Variants in AKAP1 observed in about 807,000 individuals in gnomAD.
AKAP1 encodes A-kinase anchor protein 1, mitochondrial.
A neutral mutation model predicts 79.8 loss-of-function variants in AKAP1; 32 were observed. The ratio of observed to expected loss-of-function variants is 0.40; its 90% CI spans 0.30 to 0.54. The LOEUF (loss-of-function observed/expected upper bound fraction) is 0.54, where lower values mean the gene tolerates loss of function less well. AKAP1 is among the 20% of genes least tolerant of loss of function. The pLI is 0.47. For synonymous variants in AKAP1, 416 were observed against 466.7 expected (o/e 0.89, Z 1.40); for missense variants, 961 against 1,138.9 (o/e 0.84, Z 2.25).
chr17:57,103,763 G>C (rs972020734), intron 1 of AKAP1, among the ~76,000 whole-genome samples: 1 of 152,154 alleles, frequency 6.6e-6, no homozygotes, highest in African/African-American at 2.4e-5. Context: ...TCTAGAATAA[G>C]CCCATCATAT....
At position 57,120,537 on chromosome 17, in the gene AKAP1, A is replaced by G; in HGVS notation, c.*213A>G. 2.3e-6 allele frequency: 1 copy of G among 433,448 alleles called. No individual in the cohort carries two copies. The highest frequency in any genetic ancestry group is 5.9e-5 in the South Asian group (1 of 17,020). 26.9% of individuals were successfully genotyped at this position (433,448 alleles called of 1,614,324 possible). On this transcript the variant is annotated 3_prime_UTR_variant, in exon 11 of 11. Coordinates refer to ENST00000337714, the MANE Select transcript of AKAP1 (RefSeq NM_003488.4). ...GCAAAGCCAAAGGATAGTGTTTAACAAGCCAGCTGGCTTATGCTGGTTCTC... is the reference window on the plus strand; with the variant it reads ...GCAAAGCCAAAGGATAGTGTTTAACGAGCCAGCTGGCTTATGCTGGTTCTC...
Position 57,106,870 on chromosome 17 carries a change from C to T in AKAP1, c.1406C>T (p.Thr469Ile), listed in dbSNP as rs1914916253. ...CTGGCCTCCTGCCTGGCACTGACCA[C>T]CCCCAGTGAAGAGTTGCCGGACCGG... ...ISLASCLALT[T>I]PSEELPDRAG... Residue 469 changes from threonine (T) to isoleucine (I), a missense_variant, in exon 2 of 11, where the codon ACC becomes ATC. Physicochemically the swap from Thr to Ile is moderately conservative, Grantham distance 89. Coordinates refer to ENST00000337714, the MANE Select transcript of AKAP1 (RefSeq NM_003488.4). The T allele has an allele frequency of 6.2e-7, 1 of 1,613,874 alleles. No homozygotes were observed. Among genetic ancestry groups the T allele is most frequent in the African/African-American group, 1.3e-5 (1 of 74,940 alleles).
At chr17:57,091,708 A>T in intron 1 of AKAP1, among the ~76,000 whole-genome samples, 1 of 137,690 alleles carries the variant, frequency 7.3e-6, no homozygotes. Context: ...ATTTATTTAG[A>T]GATGAGGTCT....
intron 1 of AKAP1, among the ~76,000 whole-genome samples, chr17:57,102,474 G>A (rs910886179): frequency 2.0e-5 from 3 of 146,964 alleles, no homozygotes; most frequent in Non-Finnish European, 4.5e-5. Flanking sequence ...TATGCCTTGA[G>A]CTTTTTTTTT....
Position 57,114,448 on chromosome 17 carries a change from C to A in AKAP1, c.2104-11C>A. 1 of 1,613,332 alleles carries A rather than the reference C, an allele frequency of 6.2e-7. No homozygotes were observed. The highest frequency in any genetic ancestry group is 1.1e-5 in the South Asian group (1 of 91,060). On this transcript the variant is annotated splice_polypyrimidine_tract_variant and intron_variant, in intron 5 of 10. Transcript: ENST00000337714. ...ATTGTTTCAGTGACCGCTCCCCCTT[C>A]CCCTCTACAGCTCATGCTGCCTGAT...
intron 8 of AKAP1, among the ~76,000 whole-genome samples, chr17:57,117,797 C>T (rs1235320755): frequency 2.0e-5 from 3 of 152,156 alleles, no homozygotes; most frequent in East Asian, 3.9e-4. Flanking sequence ...TCTCTCCCAT[C>T]CTTGCCACTG....
intron 7 of AKAP1, 59 bp downstream of exon 7, chr17:57,116,320 T>C (rs755897357): frequency 6.3e-7 from 1 of 1,599,922 alleles, no homozygotes; most frequent in East Asian, 2.2e-5. Flanking sequence ...GCGTGATCTC[T>C]GCGTGGCTGG....
intron 5 of AKAP1, among the ~76,000 whole-genome samples, chr17:57,113,950 C>T (rs1915417300): frequency 6.6e-6 from 1 of 152,144 alleles, no homozygotes; most frequent in Non-Finnish European, 1.5e-5. Flanking sequence ...TAGATGCTGT[C>T]AGACCATAGG....
chr17:57,105,587 G>A lies in AKAP1; in HGVS notation c.123G>A (p.Val41=). 1.9e-6 allele frequency: 3 copies of A among 1,614,102 alleles called. No individual in the cohort carries two copies. The highest frequency in any genetic ancestry group is 1.7e-6 in the Non-Finnish European group (2 of 1,180,018). ...GHVSSHDEQQ[V]EAGAVQLRAD... ...TCAGCAGCCATGATGAGCAGCAGGT[G>A]GAGGCTGGTGCTGTGCAGCTGAGGG... is the stretch of plus-strand genomic sequence containing the variant. Residue 41 remains valine, a synonymous_variant, in exon 2 of 11, where the codon GTG becomes GTA. Transcript: ENST00000337714.
Position 57,106,291 on chromosome 17 carries a change from A to T in AKAP1, c.827A>T (p.His276Leu). 1 of 1,614,226 alleles carries T rather than the reference A, an allele frequency of 6.2e-7. No individual in the cohort carries two copies. Among genetic ancestry groups the T allele is most frequent in the East Asian group, 2.2e-5 (1 of 44,870 alleles). Residue 276 changes from histidine to leucine, a missense_variant, in exon 2 of 11, where the codon CAC becomes CTC. Transcript: ENST00000337714. ...KLPSRFIESA[H>L]TELAKDDAAP... ...CCAAGTAGGTTCATCGAGTCGGCTCACACAGAGCTGGCAAAGGACGATGCG... is the reference window on the plus strand; with the variant it reads ...CCAAGTAGGTTCATCGAGTCGGCTCTCACAGAGCTGGCAAAGGACGATGCG...
rs1187771018 is a variant in AKAP1, at chr17:57,086,470, TG to T, written c.-25+1077del. The T allele has an allele frequency of 2.2e-6, 1 of 455,930 alleles. No homozygotes were observed. Among genetic ancestry groups the T allele is most frequent in the South Asian group, 1.5e-5 (1 of 64,550 alleles). 28.2% of individuals were successfully genotyped at this position (455,930 alleles called of 1,614,324 possible). Reference sequence around the variant, plus strand: ...TGGGCGTTTCGGGATCTTCCTCTCCTGGGGGATGTCCTGGGTGGCGGCGCCT... The same window carrying T: ...TGGGCGTTTCGGGATCTTCCTCTCCTGGGGATGTCCTGGGTGGCGGCGCCT... On this transcript the variant is annotated intron_variant, in intron 1 of 10. Coordinates refer to ENST00000337714, the MANE Select transcript of AKAP1 (RefSeq NM_003488.4). This position sits in a 1 kb window ranked among gnomAD's most constrained non-coding sequence, Gnocchi z 5.1.
chr17:57,100,623 A>G (rs1914446343), intron 1 of AKAP1, among the ~76,000 whole-genome samples: 1 of 152,144 alleles, frequency 6.6e-6, no homozygotes, highest in Non-Finnish European at 1.5e-5. Flanking sequence ...GTCTTAAATA[A>G]ATAAATAAGT....
intron 4 of AKAP1, among the ~76,000 whole-genome samples, chr17:57,112,161 G>T (rs1915287193): frequency 6.6e-6 from 1 of 151,982 alleles, no homozygotes; most frequent in Non-Finnish European, 1.5e-5. Context: ...TGGTTGGGCG[G>T]GGCCTGGGTC....
rs1270052400 is a variant in AKAP1 at position 57,114,653 on chromosome 17, G to A, written c.2281+17G>A. On this transcript the variant is annotated intron_variant, in intron 6 of 10. Coordinates refer to ENST00000337714, the MANE Select transcript of AKAP1 (RefSeq NM_003488.4). ...CAGTGGAAAGTAAGCAGTGCCCTGA[G>A]GGGTCGGGAAGGGGGACCCCTGGGG... 2 of 1,607,986 alleles carry A rather than the reference G, an allele frequency of 1.2e-6. No individual in the cohort carries two copies. The highest frequency in any genetic ancestry group is 2.7e-5 in the African/African-American group (2 of 74,918).
At position 57,107,110 on chromosome 17, in the gene AKAP1, A is replaced by AGGGG. The variant is rs1261089426; in HGVS notation, c.1648_1651dup (p.Glu551GlyfsTer9). 3.7e-6 allele frequency: 6 copies of AGGGG among 1,614,150 alleles called. No individual in the cohort carries two copies. Among genetic ancestry groups the AGGGG allele is most frequent in the Non-Finnish European group, 5.1e-6 (6 of 1,179,996 alleles). ...GTGCCCTTCAGCAATGGGGTGCTGA[A>AGGGG]GGGGGAGTTGTCAGACTTGGGGGCT... On this transcript the variant is annotated frameshift_variant, in exon 2 of 11. Transcript: ENST00000337714. LOFTEE classifies it high-confidence loss of function.
chr17:57,088,775 C>T (rs1450747139), intron 1 of AKAP1, among the ~76,000 whole-genome samples: 1 of 152,210 alleles, frequency 6.6e-6, no homozygotes, highest in Non-Finnish European at 1.5e-5. Context: ...TTTCATTTTA[C>T]TAAATGGTGC....
At position 57,120,307 on chromosome 17, in the gene AKAP1, T is replaced by C. The variant is rs764906708; in HGVS notation, c.2695T>C (p.Tyr899His). 6.2e-7 allele frequency: 1 copy of C among 1,613,794 alleles called. No individual in the cohort carries two copies. Among genetic ancestry groups the C allele is most frequent in the Admixed American group, 1.7e-5 (1 of 59,920 alleles). ...ERGLAQWVDS[Y>H]YTSL The stretch of plus-strand genomic sequence containing the variant: ...AGGCCTTGCCCAGTGGGTAGACAGC[T>C]ACTACACAAGCCTTTGACCCCCATG... The change falls in exon 11 of 11, where the codon TAC becomes CAC. Residue 899 changes from tyrosine to histidine, a missense_variant. This residue lies in a region of AKAP1 where 629 missense variants were observed against 781.1 expected (regional missense o/e 0.81). Transcript: ENST00000337714.
intron 8 of AKAP1, among the ~76,000 whole-genome samples, chr17:57,117,830 A>G (rs1296343666): frequency 4.6e-5 from 7 of 151,928 alleles, no homozygotes; most frequent in African/African-American, 1.7e-4. Context: ...ATGGTGTTCT[A>G]TGTAACTTTT....
intron 2 of AKAP1, among the ~76,000 whole-genome samples, chr17:57,107,408 C>T (rs2241072): frequency 0.54 from 82,272 of 152,050 alleles, 22,642 homozygotes; most frequent in East Asian, 0.8. Flanking sequence ...GTTCCTCAAC[C>T]GGTGACCTTC....
Sources: allele counts gnomAD v4.1 joint callset (sites outside exome capture counted in the v4.1 genomes callset), GRCh38; gene constraint gnomAD v4.1.1; regional missense constraint gnomAD v4.1.1; non-coding constraint Gnocchi (gnomAD v3.1); transcripts MANE v1.5; gene names NCBI Gene and HGNC (gene_info 2026-07-23, HGNC 2026-07-21).